Variants in CCDC73 observed in about 807,000 individuals in gnomAD.
CCDC73 encodes the protein coiled-coil domain-containing protein 73.
In CCDC73, 95 loss-of-function variants were observed where a neutral mutation model predicts 116.5. The ratio of observed to expected loss-of-function variants is 0.82; its 90% CI spans 0.69 to 0.97. The LOEUF (loss-of-function observed/expected upper bound fraction) is 0.97. Ranked by LOEUF, CCDC73 falls within the 50% of genes least tolerant of loss-of-function variation. The pLI, the probability that CCDC73 is intolerant of heterozygous loss-of-function variation, is 0.00. For synonymous variants in CCDC73, 398 were observed against 401.3 expected (o/e 0.99, Z 0.10); for missense variants, 1,066 against 1,206.8 (o/e 0.88, Z 1.73).
At chr11:32,742,692 G>C (rs1310460083) in intron 2 of CCDC73, among the ~76,000 whole-genome samples, 2 of 152,118 alleles carry the variant, frequency 1.3e-5, no homozygotes, top group Non-Finnish European at 2.9e-5. Context: ...GGCTTTTGTT[G>C]CCATTGCTTT....
intron 6 of CCDC73, among the ~76,000 whole-genome samples, chr11:32,696,285 C>T (rs1417016075): frequency 6.6e-6 from 1 of 152,160 alleles, no homozygotes; most frequent in East Asian, 1.9e-4. Flanking sequence ...TTATTACAAT[C>T]AATATAGGTA....
intron 10 of CCDC73, 142 bp from the exon 11 acceptor site, chr11:32,654,179 G>T: frequency 1.3e-6 from 1 of 786,734 alleles, no homozygotes; most frequent in Non-Finnish European, 1.9e-6. Context: ...TTGTTTATTT[G>T]TATGTTTGTT....
intron 1 of CCDC73, among the ~76,000 whole-genome samples, chr11:32,784,245 G>A (rs986734646): frequency 2.6e-5 from 4 of 151,794 alleles, no homozygotes; most frequent in African/African-American, 4.8e-5. Flanking sequence ...CAGGAGAATC[G>A]CTTGAACCTG....
At chr11:32,751,902 C>A (rs982662711) in intron 2 of CCDC73, among the ~76,000 whole-genome samples, 1 of 152,164 alleles carries the variant, frequency 6.6e-6, no homozygotes, top group Non-Finnish European at 1.5e-5. Context: ...TATTAGGTCT[C>A]ACAATTCTGT....
At chr11:32,817,098 A>G in the CCDC73 span, among the ~76,000 whole-genome samples, 2 of 152,222 alleles carry the variant, frequency 1.3e-5, no homozygotes, top group African/African-American at 4.8e-5. Flanking sequence ...AATGGTTTTC[A>G]TATAGTGAGT....
rs1363810717 is a variant in CCDC73 at position 32,683,587 on chromosome 11, G to A, written c.391-13C>T. On this transcript the variant is annotated splice_polypyrimidine_tract_variant and intron_variant, in intron 6 of 17. Transcript: ENST00000335185. Reference sequence around the variant, plus strand: ...AGTATTTAGAAACCTTGAAAAATAAGGGGGAAAAATCTCATTAAAATACTT... The same window carrying A: ...AGTATTTAGAAACCTTGAAAAATAAAGGGGAAAAATCTCATTAAAATACTT... 2.1e-6 allele frequency: 3 copies of A among 1,434,504 alleles called. No homozygotes were observed. Among genetic ancestry groups the A allele is most frequent in the Non-Finnish European group, 2.9e-6 (3 of 1,029,606 alleles). The allele number at this position is 1,434,504 out of a possible 1,614,324, so 88.9% of individuals were successfully genotyped here.
At chr11:32,663,891 G>T (rs531609773) in intron 9 of CCDC73, among the ~76,000 whole-genome samples, 2 of 152,098 alleles carry the variant, frequency 1.3e-5, no homozygotes, top group Non-Finnish European at 2.9e-5. Context: ...TAGCATGAAG[G>T]GCTGTTGAAT....
At chr11:32,750,324 G>A (rs1220908686) in intron 2 of CCDC73, among the ~76,000 whole-genome samples, 2 of 152,142 alleles carry the variant, frequency 1.3e-5, no homozygotes, top group Non-Finnish European at 2.9e-5. Context: ...CTTACCCAAG[G>A]CCTGCTATAG....
At chr11:32,717,133 G>C (rs543801248) in intron 3 of CCDC73, among the ~76,000 whole-genome samples, 1 of 152,170 alleles carries the variant, frequency 6.6e-6, no homozygotes, top group South Asian at 2.1e-4. Context: ...TTTCTAGTTT[G>C]GTCTATCCAC....
In CCDC73 at chr11:32,614,632, A is replaced by G. The variant is rs374297941; in HGVS notation, c.1686T>C (p.His562=). 4.3e-6 allele frequency: 7 copies of G among 1,612,788 alleles called. No homozygotes were observed. Among genetic ancestry groups the G allele is most frequent in the African/African-American group, 1.3e-5 (1 of 74,898 alleles). ...LERTRGLDVH[H]TDVNLEVENN... is the part of the protein sequence containing the mutation. ...TTTCAACCTCCAGATTTACATCTGT[A>G]TGGTGAACATCTAATCCTCTGGTTC... Residue 562 remains histidine (H), a synonymous_variant, in exon 16 of 18, where the codon CAT becomes CAC. Coordinates refer to ENST00000335185, the MANE Select transcript of CCDC73 (RefSeq NM_001008391.4).
the CCDC73 span, among the ~76,000 whole-genome samples, chr11:32,826,660 C>CAAAAAAAAAAAAAAA: frequency 7.5e-6 from 1 of 133,264 alleles, no homozygotes. Flanking sequence ...AAAAAAAAAA[C>CAAAAAAAAAAAAAAA]AAAAAAAAAA....
At chr11:32,707,238 CTG>C (rs1424897071) in intron 3 of CCDC73, among the ~76,000 whole-genome samples, 1 of 152,100 alleles carries the variant, frequency 6.6e-6, no homozygotes, top group African/African-American at 2.4e-5. Flanking sequence ...TCTTTAAACA[CTG>C]TTGTTTCCCA....
intron 17 of CCDC73, chr11:32,603,420 ATACT>A (rs1484478956): frequency 6.5e-6 from 1 of 152,948 alleles, no homozygotes; most frequent in African/African-American, 2.4e-5. Context: ...TGATGTTAAA[ATACT>A]TACTGGAAAT....
intron 2 of CCDC73, among the ~76,000 whole-genome samples, chr11:32,735,621 G>A (rs1331055099): frequency 3.3e-5 from 5 of 152,148 alleles, no homozygotes; most frequent in South Asian, 2.1e-4. Context: ...TCCCCATCAA[G>A]CTACCAATGA....
chr11:32,744,336 T>A (rs1395689310), intron 2 of CCDC73, among the ~76,000 whole-genome samples: 1 of 152,178 alleles, frequency 6.6e-6, no homozygotes, highest in African/African-American at 2.4e-5. Flanking sequence ...ATTTTCGCAC[T>A]GATGTTCATC....
intron 2 of CCDC73, among the ~76,000 whole-genome samples, chr11:32,754,849 T>C (rs1051979032): frequency 1.3e-5 from 2 of 151,522 alleles, no homozygotes; most frequent in African/African-American, 4.8e-5. Flanking sequence ...GCTGGACCAG[T>C]TTCCAGAGTA....
chr11:32,762,560 G>A lies in CCDC73; in HGVS notation c.-15-2302C>T, dbSNP rs1171317326. Among the ~76,000 whole-genome samples, 3 of 152,252 alleles carry A rather than the reference G, an allele frequency of 2.0e-5. No individual in the cohort carries two copies. In the East Asian group the frequency reaches 5.8e-4, roughly 29 times the overall value. On this transcript the variant is annotated intron_variant, in intron 1 of 17. Coordinates refer to ENST00000335185, the MANE Select transcript of CCDC73 (RefSeq NM_001008391.4). ...ACCAAAAGTAACCCACCTTCTACAG[G>A]AGAGGTGCCTTGGTGTCAAGCAAAT...
At chr11:32,829,825 C>G in the CCDC73 span, 1 of 985,404 alleles carries the variant, frequency 1.0e-6, no homozygotes, top group Non-Finnish European at 1.2e-6. Flanking sequence ...CGCGGGCTCC[C>G]GGGAGACGCC....
rs769943748 is a variant in CCDC73 at position 32,654,842 on chromosome 11, A to G, written c.774+2T>C. On this transcript the variant is annotated splice_donor_variant, in intron 10 of 17. Transcript: ENST00000335185. LOFTEE classifies it high-confidence loss of function. ...TATAAACAAATACATTTAATAAAAT[A>G]CCATGTTGAGTCTTTCTTGAAGTTC... The G allele has an allele frequency of 6.8e-7, 1 of 1,471,554 alleles. No homozygotes were observed. Among genetic ancestry groups the G allele is most frequent in the Non-Finnish European group, 9.3e-7 (1 of 1,080,448 alleles). The allele number at this position is 1,471,554 out of a possible 1,614,324, so 91.2% of individuals were successfully genotyped here. A position where few individuals can be genotyped will look rare whatever the true frequency, so the allele number is the denominator to read the frequency against.
Sources: gnomAD v4.1 joint callset for allele counts (sites outside exome capture counted in the v4.1 genomes callset) on GRCh38, gnomAD v4.1.1 for gene constraint, MANE v1.5 for transcripts, NCBI Gene and HGNC (gene_info 2026-07-23, HGNC 2026-07-21) for gene names.